Variants in KLHL25 observed in about 807,000 individuals in gnomAD.
The protein encoded by KLHL25 is kelch like family member 25.
Under a neutral mutation model 30.0 loss-of-function variants are expected in KLHL25, and 41 were observed. The ratio of observed to expected loss-of-function variants is 1.37; its 90% CI spans 1.07 to 1.78. KLHL25 has a LOEUF of 1.78. Ranked by LOEUF, KLHL25 falls within the 40% of genes most tolerant of loss-of-function variation. The pLI is 0.00. For missense variants in KLHL25, 971 were observed against 824.5 expected, an observed-to-expected ratio of 1.18 and a Z score of -2.18; for synonymous variants, 399 against 355.3, an observed-to-expected ratio of 1.12 and a Z score of -1.38.
intron 1 of KLHL25, among the ~76,000 whole-genome samples, chr15:85,778,601 G>C (rs1278131820): frequency 6.6e-6 from 1 of 152,222 alleles, no homozygotes; most frequent in Non-Finnish European, 1.5e-5. Flanking sequence ...GCAGAGCCCA[G>C]GGCTCTGTCT....
intron 1 of KLHL25, chr15:85,770,539 G>A (rs1555469754): frequency 1.9e-6 from 1 of 534,286 alleles, no homozygotes; most frequent in African/African-American, 1.9e-5. Context: ...CATGTTCTCT[G>A]AATCCAGGTG....
intron 1 of KLHL25, among the ~76,000 whole-genome samples, chr15:85,792,354 T>C (rs931870831): frequency 2.0e-5 from 3 of 152,116 alleles, no homozygotes; most frequent in Non-Finnish European, 4.4e-5. Context: ...AATTATGAAA[T>C]TTACCACATT....
At chr15:85,785,094 C>CTTT (rs11419946) in intron 1 of KLHL25, among the ~76,000 whole-genome samples, 3 of 142,270 alleles carry the variant, frequency 2.1e-5, no homozygotes, top group Non-Finnish European at 3.0e-5. Flanking sequence ...TTTCTTTTTT[C>CTTT]TTTTTTTTTT....
At chr15:85,781,338 T>C (rs1425362908) in intron 1 of KLHL25, among the ~76,000 whole-genome samples, 1 of 152,230 alleles carries the variant, frequency 6.6e-6, no homozygotes, top group Non-Finnish European at 1.5e-5. Flanking sequence ...TTCACTGAGT[T>C]ATGCACTCTG....
intron 1 of KLHL25, among the ~76,000 whole-genome samples, chr15:85,793,003 A>C (rs1474093680): frequency 6.6e-6 from 1 of 150,608 alleles, no homozygotes; most frequent in Non-Finnish European, 1.5e-5. Context: ...ACAATGAATC[A>C]ATCAATCAAT....
chr15:85,771,912 C>T (rs1055633534), intron 1 of KLHL25, among the ~76,000 whole-genome samples: 1 of 152,220 alleles, frequency 6.6e-6, no homozygotes, highest in Admixed American at 6.5e-5. Flanking sequence ...TGCAGTGGCA[C>T]GGAGCCTGAG....
chr15:85,763,024 C>CG (rs1218680233), intron 2 of KLHL25: 1 of 129,294 alleles, frequency 7.7e-6, no homozygotes, highest in African/African-American at 2.6e-5. Context: ...CATTCGGCAG[C>CG]CCCCCCATGC....
intron 1 of KLHL25, among the ~76,000 whole-genome samples, chr15:85,772,562 C>A (rs1305170979): frequency 1.3e-5 from 2 of 152,254 alleles, no homozygotes; most frequent in African/African-American, 4.8e-5. Context: ...CTGGAACCAA[C>A]ACACCTAGAA....
intron 1 of KLHL25, among the ~76,000 whole-genome samples, chr15:85,794,341 G>C (rs767074435): frequency 6.6e-6 from 1 of 152,206 alleles, no homozygotes; most frequent in Non-Finnish European, 1.5e-5. Context: ...GCAGCCATCC[G>C]GCCTGGGCGT....
intron 1 of KLHL25, among the ~76,000 whole-genome samples, chr15:85,779,171 T>C (rs534506673): frequency 6.6e-6 from 1 of 152,072 alleles, no homozygotes; most frequent in East Asian, 1.9e-4. Flanking sequence ...GATGCAGCCA[T>C]GGATGGGCAG....
At chr15:85,766,125 T>C (rs2089623219) in intron 2 of KLHL25, among the ~76,000 whole-genome samples, 1 of 152,208 alleles carries the variant, frequency 6.6e-6, no homozygotes, top group African/African-American at 2.4e-5. Flanking sequence ...CTGAGGAAAT[T>C]AATGTTTAGC....
In KLHL25 at chr15:85,789,799, C is replaced by T. The variant is rs1567244388; in HGVS notation, c.-11+4967G>A. On this transcript the variant is annotated intron_variant, in intron 1 of 2. Transcript: ENST00000337975. This position sits in a 1 kb window ranked among gnomAD's most constrained non-coding sequence, Gnocchi z 4.1. ...CCCACGCCTGCTCCCCTAAGCCCAGCCTGGTGCTCCCCTGATGCAGTCTTC... is the reference window on the plus strand; with the variant it reads ...CCCACGCCTGCTCCCCTAAGCCCAGTCTGGTGCTCCCCTGATGCAGTCTTC... 6.6e-6 allele frequency among the ~76,000 whole-genome samples: 1 copy of T among 152,184 alleles called. No individual in the cohort carries two copies. The highest frequency in any genetic ancestry group is 1.5e-5 in the Non-Finnish European group (1 of 68,040).
intron 1 of KLHL25, among the ~76,000 whole-genome samples, chr15:85,781,476 G>T (rs1455080958): frequency 6.6e-6 from 1 of 152,090 alleles, no homozygotes; most frequent in Non-Finnish European, 1.5e-5. Context: ...TGCGGTAGCG[G>T]ATTTTTCTTT....
intron 1 of KLHL25, among the ~76,000 whole-genome samples, chr15:85,773,793 C>A (rs955563372): frequency 6.6e-6 from 1 of 152,156 alleles, no homozygotes; most frequent in African/African-American, 2.4e-5. Flanking sequence ...GCCACCTACC[C>A]AAGATGGAAG....
chr15:85,774,877 TTTC>T (rs1040771137), intron 1 of KLHL25, among the ~76,000 whole-genome samples: 20 of 110,620 alleles, frequency 1.8e-4, no homozygotes, highest in African/African-American at 4.7e-4. Context: ...CTTTTTTTCT[TTTC>T]TTTTTTTTTT....
chr15:85,773,814 G>A (rs556573435), intron 1 of KLHL25, among the ~76,000 whole-genome samples: 10 of 152,114 alleles, frequency 6.6e-5, no homozygotes, highest in Non-Finnish European at 1.3e-4. Context: ...CCTGCGCAGA[G>A]GGCCAAGTGG....
chr15:85,788,898 G>A (rs1034974446), intron 1 of KLHL25, among the ~76,000 whole-genome samples: 2 of 152,134 alleles, frequency 1.3e-5, no homozygotes, highest in Admixed American at 6.5e-5. Context: ...CATGAACTCC[G>A]GACAATGGAT....
Position 85,789,136 on chromosome 15 carries a change from A to C in KLHL25, c.-11+5630T>G, listed in dbSNP as rs2089799961. Among the ~76,000 whole-genome samples the C allele has an allele frequency of 1.3e-5, 2 of 149,630 alleles. No homozygotes were observed. Among genetic ancestry groups the C allele is most frequent in the African/African-American group, 2.5e-5 (1 of 40,790 alleles). ...ATGGGAACAGGCAAAAAATGTAAGC[A>C]AGGCTTTTTTGTCTCCATCCTTTCC... is the stretch of plus-strand genomic sequence containing the variant. On this transcript the variant is annotated intron_variant, in intron 1 of 2. Transcript: ENST00000337975. This position sits in a 1 kb window ranked among gnomAD's most constrained non-coding sequence, Gnocchi z 4.1.
chr15:85,765,129 G>A (rs747969005), intron 2 of KLHL25, among the ~76,000 whole-genome samples: 1 of 152,160 alleles, frequency 6.6e-6, no homozygotes, highest in African/African-American at 2.4e-5. Context: ...CCAGCAGCAT[G>A]GGCCCCCTCA....
Sources: gnomAD v4.1 joint callset for allele counts (sites outside exome capture counted in the v4.1 genomes callset) on GRCh38, gnomAD v4.1.1 for gene constraint, Gnocchi (gnomAD v3.1) non-coding constraint, MANE v1.5 for transcripts, NCBI Gene and HGNC (gene_info 2026-07-23, HGNC 2026-07-21) for gene names.